EYS: variants seen among roughly 807,000 people sequenced by gnomAD.
EYS encodes the protein EGF-like photoreceptor maintenance factor.
Under a neutral mutation model 282.1 loss-of-function variants are expected in EYS, and 250 were observed. The observed-to-expected ratio is 0.89, with a 90% CI of 0.80 to 0.98. The LOEUF is 0.98. Among genes scored for constraint, EYS ranks in the 50% least tolerant of loss-of-function variants. The probability of loss-of-function intolerance (pLI) is 0.00; values close to 1 mark genes in which losing one functional copy is unlikely to be tolerated. For synonymous variants in EYS, 1,355 were observed against 1,282.9 expected, an observed-to-expected ratio of 1.06 and a Z score of -1.20; for missense variants, 4,016 against 3,709.0, an observed-to-expected ratio of 1.08 and a Z score of -2.15.
At chr6:65,204,671 T>TA (rs955000878) in intron 12 of EYS, among the ~76,000 whole-genome samples, 14 of 151,730 alleles carry the variant, frequency 9.2e-5, no homozygotes, top group South Asian at 4.1e-4. Flanking sequence ...ATAACAGGAA[T>TA]AAAATGAAAC....
intron 21 of EYS, among the ~76,000 whole-genome samples, chr6:64,816,319 C>G (rs978763546): frequency 6.6e-6 from 1 of 152,060 alleles, no homozygotes; most frequent in Admixed American, 6.6e-5. Context: ...TTCAAAATCT[C>G]ATTAATTATA....
intron 24 of EYS, among the ~76,000 whole-genome samples, chr6:64,599,632 C>T (rs568044121): frequency 9.9e-5 from 15 of 152,104 alleles, no homozygotes; most frequent in African/African-American, 3.6e-4. Context: ...TCTCTTGAAG[C>T]AGAATTATTA....
intron 31 of EYS, among the ~76,000 whole-genome samples, chr6:64,183,990 T>A (rs1209377951): frequency 6.6e-6 from 1 of 152,134 alleles, no homozygotes; most frequent in Non-Finnish European, 1.5e-5. Context: ...AATACTCCCA[T>A]CTTAGATCAG....
chr6:63,776,538 G>A (rs1045517080), intron 40 of EYS, among the ~76,000 whole-genome samples: 2 of 152,100 alleles, frequency 1.3e-5, no homozygotes, highest in African/African-American at 4.8e-5. Context: ...AGGAGCAATG[G>A]AAATAATATT....
chr6:65,049,968 A>T (rs1374566754), intron 13 of EYS, among the ~76,000 whole-genome samples: 1 of 151,638 alleles, frequency 6.6e-6, no homozygotes, highest in Non-Finnish European at 1.5e-5. Flanking sequence ...CTAACTTTAC[A>T]GAAAATATAG....
At chr6:64,661,947 G>C (rs964934640) in intron 22 of EYS, among the ~76,000 whole-genome samples, 1 of 150,740 alleles carries the variant, frequency 6.6e-6, no homozygotes, top group African/African-American at 2.5e-5. Context: ...TGTTTATTGC[G>C]GCACTATTCA....
At chr6:65,159,910 T>C (rs1764812921) in intron 12 of EYS, among the ~76,000 whole-genome samples, 1 of 151,008 alleles carries the variant, frequency 6.6e-6, no homozygotes, top group Non-Finnish European at 1.5e-5. Flanking sequence ...TGCATAATTT[T>C]GAAATGAACA....
intron 30 of EYS, among the ~76,000 whole-genome samples, chr6:64,263,411 C>A (rs1005796489): frequency 1.3e-5 from 2 of 151,994 alleles, no homozygotes; most frequent in Non-Finnish European, 2.9e-5. Context: ...TATATCTCAT[C>A]TTCTTATTCT....
At chr6:65,541,557 T>C (rs978134554) in intron 2 of EYS, among the ~76,000 whole-genome samples, 2 of 152,184 alleles carry the variant, frequency 1.3e-5, no homozygotes, top group African/African-American at 4.8e-5. Flanking sequence ...TCTTTCAACT[T>C]AATTGCTAAT....
chr6:65,646,903 CACTTTTACAATA>C (rs1310716698), intron 1 of EYS, among the ~76,000 whole-genome samples: 1 of 151,878 alleles, frequency 6.6e-6, no homozygotes, highest in African/African-American at 2.4e-5. Flanking sequence ...AATTAAGAAC[CACTTTTACAATA>C]ACAGCATAAA....
intron 35 of EYS, among the ~76,000 whole-genome samples, chr6:63,902,394 G>A (rs914459274): frequency 6.6e-6 from 1 of 152,118 alleles, no homozygotes; most frequent in Non-Finnish European, 1.5e-5. Context: ...CTTTCAGGCT[G>A]GCAACTTAAG....
intron 22 of EYS, among the ~76,000 whole-genome samples, chr6:64,669,837 G>T (rs1769381231): frequency 6.6e-6 from 1 of 152,078 alleles, no homozygotes; most frequent in South Asian, 2.1e-4. Flanking sequence ...TTCACAAAAT[G>T]TTCTTAACCT....
chr6:63,876,929 T>C (rs904234500), intron 35 of EYS, among the ~76,000 whole-genome samples: 1 of 152,158 alleles, frequency 6.6e-6, no homozygotes, highest in Non-Finnish European at 1.5e-5. Context: ...TCCAATTTGC[T>C]AGTCTGTGTC....
intron 8 of EYS, among the ~76,000 whole-genome samples, chr6:65,380,548 G>A (rs867020303): frequency 2.0e-5 from 3 of 152,050 alleles, no homozygotes; most frequent in Non-Finnish European, 4.4e-5. Flanking sequence ...TACCATTCAG[G>A]ACATAGGCAT....
intron 12 of EYS, among the ~76,000 whole-genome samples, chr6:65,098,724 AC>A (rs752710898): frequency 6.6e-6 from 1 of 150,852 alleles, no homozygotes; most frequent in African/African-American, 2.4e-5. Context: ...TTACAACATT[AC>A]AAATAAATTT....
chr6:64,592,594 T>A (rs879349941), intron 25 of EYS, among the ~76,000 whole-genome samples: 1 of 152,154 alleles, frequency 6.6e-6, no homozygotes, highest in Non-Finnish European at 1.5e-5. Context: ...AAGAGTAAAT[T>A]TGGAATTTAA....
intron 26 of EYS, among the ~76,000 whole-genome samples, chr6:64,453,801 G>A (rs573433074): frequency 1.3e-5 from 2 of 152,062 alleles, no homozygotes; most frequent in Non-Finnish European, 2.9e-5. Flanking sequence ...GGTGGGAATT[G>A]AACAATGAGA....
intron 12 of EYS, among the ~76,000 whole-genome samples, chr6:65,206,897 G>A (rs1361085079): frequency 1.3e-5 from 2 of 151,806 alleles, no homozygotes; most frequent in Non-Finnish European, 2.9e-5. Flanking sequence ...AGCCATATGT[G>A]ACAAACCCAC....
chr6:65,623,654 A>T (rs1362011915), intron 2 of EYS, among the ~76,000 whole-genome samples: 1 of 152,224 alleles, frequency 6.6e-6, no homozygotes, highest in Non-Finnish European at 1.5e-5. Context: ...CCATTTAATC[A>T]GTTCAGTTCA....
Sources: allele counts gnomAD v4.1 joint callset (sites outside exome capture counted in the v4.1 genomes callset), GRCh38; gene constraint gnomAD v4.1.1; transcripts MANE v1.5; gene names NCBI Gene and HGNC (gene_info 2026-07-23, HGNC 2026-07-21).